TSFM: variants seen among roughly 807,000 people sequenced by gnomAD.
TSFM encodes Ts translation elongation factor, mitochondrial, also known as elongation factor Ts, mitochondrial.
TSFM carries 29 observed loss-of-function variants against 33.4 expected under a neutral mutation model. The ratio of observed to expected loss-of-function variants is 0.87; its 90% CI spans 0.65 to 1.18. TSFM has a LOEUF of 1.18. TSFM is among the 50% of genes most tolerant of loss of function. The probability of loss-of-function intolerance (pLI) is 0.00; values close to 1 mark genes in which losing one functional copy is unlikely to be tolerated. For synonymous variants in TSFM, 178 were observed against 163.5 expected (o/e 1.09, Z -0.68); for missense variants, 394 against 395.6 (o/e 1.00, Z 0.04).
downstream of TSFM, among the ~76,000 whole-genome samples, chr12:57,798,392 A>G (rs1394507491): frequency 1.3e-5 from 2 of 152,208 alleles, no homozygotes; most frequent in Non-Finnish European, 2.9e-5. Context: ...TTTCAAATGC[A>G]TGATCGGGTG....
downstream of TSFM, chr12:57,797,925 C>T: frequency 6.2e-7 from 1 of 1,611,792 alleles, no homozygotes; most frequent in East Asian, 2.2e-5. Flanking sequence ...CTGTTTCCAG[C>T]CAGGCAGAGC....
downstream of TSFM, chr12:57,802,838 C>T (rs1595159297): frequency 1.8e-6 from 1 of 564,884 alleles, no homozygotes; most frequent in Non-Finnish European, 3.1e-6. Context: ...GTCACCATCC[C>T]TCCATCCCTA....
chr12:57,791,225 G>T (rs1367067977), intron 4 of TSFM, among the ~76,000 whole-genome samples: 1 of 152,134 alleles, frequency 6.6e-6, no homozygotes, highest in Admixed American at 6.5e-5. Flanking sequence ...GGCCAGGCTG[G>T]TCTCGAACTC....
At chr12:57,794,424 A>G (rs1955703698) in intron 5 of TSFM, among the ~76,000 whole-genome samples, 1 of 152,212 alleles carries the variant, frequency 6.6e-6, no homozygotes, top group Admixed American at 6.5e-5. Context: ...AAGGGGAAAA[A>G]TAAGTTAAAA....
At chr12:57,792,542 C>T (rs1272949405) in intron 4 of TSFM, among the ~76,000 whole-genome samples, 2 of 151,770 alleles carry the variant, frequency 1.3e-5, no homozygotes, top group African/African-American at 4.8e-5. Flanking sequence ...AACATTCTTG[C>T]CTTTATGAAA....
At chr12:57,802,148 C>G (rs1458360455), downstream of TSFM, 3 of 1,613,446 alleles carry the variant, frequency 1.9e-6, no homozygotes, top group Non-Finnish European at 2.5e-6. Context: ...CTTCCCTACT[C>G]TCTTTTCTTA....
At chr12:57,802,812 A>G (rs1955877441), downstream of TSFM, 2 of 567,920 alleles carry the variant, frequency 3.5e-6, no homozygotes, top group Admixed American at 3.3e-5. Flanking sequence ...TTACCTCCTA[A>G]GCATTTGTCA....
intron 2 of TSFM, among the ~76,000 whole-genome samples, chr12:57,785,215 A>C (rs1036773044): frequency 3.3e-5 from 5 of 152,146 alleles, no homozygotes; most frequent in African/African-American, 1.2e-4. Flanking sequence ...CGTGAGCCAC[A>C]GCGCCTGGCC....
chr12:57,791,634 C>T (rs1955664511), intron 4 of TSFM, among the ~76,000 whole-genome samples: 1 of 152,152 alleles, frequency 6.6e-6, no homozygotes, highest in Admixed American at 6.5e-5. Context: ...TGAAGGTCAT[C>T]CTTTTTATTT....
chr12:57,789,293 T>A (rs137874861), intron 4 of TSFM, among the ~76,000 whole-genome samples: 108 of 151,902 alleles, frequency 7.1e-4, no homozygotes, highest in Middle Eastern at 3.4e-3. Flanking sequence ...AATCTTTTTG[T>A]AAGTATGTTG....
intron 2 of TSFM, among the ~76,000 whole-genome samples, chr12:57,785,168 C>T (rs1178891271): frequency 3.9e-5 from 6 of 152,020 alleles, no homozygotes; most frequent in South Asian, 2.1e-4. Flanking sequence ...CCTTGTGATC[C>T]GCCCACCTCA....
At chr12:57,784,430 A>G (rs1359845990) in intron 2 of TSFM, among the ~76,000 whole-genome samples, 1 of 152,230 alleles carries the variant, frequency 6.6e-6, no homozygotes, top group Non-Finnish European at 1.5e-5. Flanking sequence ...AGTTAACCTT[A>G]GTTTAATGTA....
chr12:57,784,225 A>G (rs1565820371), intron 2 of TSFM: 1 of 677,584 alleles, frequency 1.5e-6, no homozygotes, highest in Non-Finnish European at 2.7e-6. Flanking sequence ...CATAAAAGAT[A>G]AAAAACGATA....
chr12:57,801,061 C>A, downstream of TSFM: 2 of 1,166,214 alleles, frequency 1.7e-6, no homozygotes, highest in Non-Finnish European at 2.5e-6. Flanking sequence ...TGAGTTTTGC[C>A]TGTGAGCATC....
chr12:57,783,499 G>A (rs1383104258), intron 2 of TSFM: 1 of 706,366 alleles, frequency 1.4e-6, no homozygotes, highest in East Asian at 2.9e-5. Context: ...CTGTTACGGT[G>A]TTTCTTGTTG....
downstream of TSFM, chr12:57,797,871 G>T: frequency 6.2e-7 from 1 of 1,602,068 alleles, no homozygotes; most frequent in Non-Finnish European, 8.5e-7. Flanking sequence ...ATAGGTATAG[G>T]CCTTCTTGCT....
chr12:57,793,563 TC>T (rs1955693362), intron 5 of TSFM, among the ~76,000 whole-genome samples: 1 of 152,144 alleles, frequency 6.6e-6, no homozygotes, highest in Non-Finnish European at 1.5e-5. Context: ...CTGGAGGAAG[TC>T]CCATTGCCAA....
At chr12:57,801,141 C>T (rs779072431), downstream of TSFM, 10 of 1,613,300 alleles carry the variant, frequency 6.2e-6, no homozygotes, top group East Asian at 1.8e-4. Flanking sequence ...GAACCCGACT[C>T]ACAGCAGTGA....
At position 57,796,513 on chromosome 12, in the gene TSFM, A is replaced by AT. The variant is rs1491527320; in HGVS notation, c.908_909insT (p.Gln303HisfsTer12). 5 of 1,529,464 alleles carry AT rather than the reference A, an allele frequency of 3.3e-6. No homozygotes were observed. Among genetic ancestry groups the AT allele is most frequent in the Non-Finnish European group, 3.5e-6 (4 of 1,137,606 alleles). The allele number at this position is 1,529,464 out of a possible 1,614,324, so 94.7% of individuals were successfully genotyped here. On this transcript the variant is annotated frameshift_variant, in exon 6 of 6. Coordinates refer to ENST00000652027, the MANE Select transcript of TSFM (RefSeq NM_005726.6). LOFTEE classifies it high-confidence loss of function. ...ACCTTGGGGCAGTATGTGCAGCCTC[A>AT]GGGGGTGTCGGTAGTAGACTTTGTG...
Sources: allele counts gnomAD v4.1 joint callset (sites outside exome capture counted in the v4.1 genomes callset), GRCh38; gene constraint gnomAD v4.1.1; transcripts MANE v1.5; gene names NCBI Gene and HGNC (gene_info 2026-07-23, HGNC 2026-07-21).